The following CLPTM1 variants were observed in gnomAD, a reference collection of about 807,000 sequenced individuals.
CLPTM1 encodes the protein putative lipid scramblase CLPTM1.
Under a neutral mutation model 77.3 loss-of-function variants are expected in CLPTM1, and 21 were observed. The ratio of observed to expected loss-of-function variants is 0.27; its 90% CI spans 0.19 to 0.39. The LOEUF is 0.39. Among genes scored for constraint, CLPTM1 ranks in the 10% least tolerant of loss-of-function variants. The pLI, the probability that CLPTM1 is intolerant of heterozygous loss-of-function variation, is 1.00. For synonymous variants in CLPTM1, 373 were observed against 381.0 expected (o/e 0.98, Z 0.24); for missense variants, 642 against 921.2 (o/e 0.70, Z 3.92).
At chr19:44,984,268 AC>A (rs2122316351) in intron 5 of CLPTM1, 1 of 152,386 alleles carries the variant, frequency 6.6e-6, no homozygotes, top group South Asian at 2.1e-4. Flanking sequence ...GTGTATTCAA[AC>A]AGGCCCTGCC....
At chr19:44,955,923 G>A (rs1170308037) in intron 1 of CLPTM1, 1 of 158,882 alleles carries the variant, frequency 6.3e-6, no homozygotes, top group Non-Finnish European at 1.4e-5. Context: ...CCATTTTACA[G>A]ACGGGAATTC....
At chr19:44,979,948 A>G (rs1163835107) in intron 5 of CLPTM1, among the ~76,000 whole-genome samples, 2 of 152,162 alleles carry the variant, frequency 1.3e-5, no homozygotes, top group Non-Finnish European at 2.9e-5. Context: ...ACGATCACCT[A>G]ATCATCCCGT....
upstream of CLPTM1, chr19:44,955,062 C>A (rs997151100): frequency 6.5e-7 from 1 of 1,535,446 alleles, no homozygotes; most frequent in Non-Finnish European, 8.7e-7. Flanking sequence ...CAGGATGTCC[C>A]GAAAGGCTCA....
rs1216953931 is a variant in CLPTM1 at position 44,985,237 on chromosome 19, C to T, written c.606C>T (p.Arg202=). 6.2e-7 allele frequency: 1 copy of T among 1,613,930 alleles called. No individual in the cohort carries two copies. The change falls in exon 6 of 14, where the codon CGC becomes CGT. Residue 202 remains arginine, a synonymous_variant. Coordinates refer to ENST00000337392, the MANE Select transcript of CLPTM1 (RefSeq NM_001294.4). ...HMSRMINKYK[R]RRFQKTKNLL... ...CCACAGTGATCAACAAATACAAGCG[C>T]AGACGATTTCAGAAAACCAAGAACC...
Position 44,968,023 on chromosome 19 carries a change from C to G in CLPTM1, c.186-5064C>G, listed in dbSNP as rs192103476. Among the ~76,000 whole-genome samples the G allele has an allele frequency of 2.2e-3, 329 of 152,256 alleles. 2 individuals carry two copies. The highest frequency in any genetic ancestry group is 7.7e-3 in the African/African-American group (322 of 41,552). On this transcript the variant is annotated intron_variant, in intron 2 of 13. Coordinates refer to ENST00000337392, the MANE Select transcript of CLPTM1 (RefSeq NM_001294.4). ...CCCTTCATTTTTACATAAGAGGTAG[C>G]CTGTTTTACACACTGTTCTGCTCCT...
In CLPTM1 at chr19:44,962,005, A is replaced by T; in HGVS notation, c.115A>T (p.Thr39Ser). ...CATCGGGAGGGACCCGCCAGCGGAG[A>T]CCCAGCCTCAGAACCCACCGGCCCA... ...GSIGRDPPAE[T>S]QPQNPPAQPA... Residue 39 changes from threonine to serine, a missense_variant, in exon 2 of 14, where the codon ACC (threonine) becomes TCC (serine). Transcript: ENST00000337392. 1 of 1,610,456 alleles carries T rather than the reference A, an allele frequency of 6.2e-7. No individual in the cohort carries two copies. Among genetic ancestry groups the T allele is most frequent in the Non-Finnish European group, 8.5e-7 (1 of 1,178,940 alleles).
intron 2 of CLPTM1, among the ~76,000 whole-genome samples, chr19:44,965,872 A>T (rs145639166): frequency 6.6e-6 from 1 of 152,234 alleles, no homozygotes; most frequent in East Asian, 1.9e-4. Context: ...ATGTCTTCAC[A>T]TGGCCATGGC....
intron 2 of CLPTM1, among the ~76,000 whole-genome samples, chr19:44,964,166 C>A (rs1970589289): frequency 6.6e-6 from 1 of 151,934 alleles, no homozygotes; most frequent in Non-Finnish European, 1.5e-5. Flanking sequence ...GTTGGGGGGA[C>A]CCTGTCTCTA....
chr19:44,988,222 C>G (rs779962897), intron 9 of CLPTM1, 49 bp downstream of exon 9: 12 of 1,338,488 alleles, frequency 9.0e-6, no homozygotes, highest in Non-Finnish European at 1.3e-5. Flanking sequence ...GGGTGGGGGA[C>G]AGGACCTGCC....
upstream of CLPTM1, chr19:44,954,667 C>T: frequency 8.8e-7 from 1 of 1,130,148 alleles, no homozygotes; most frequent in South Asian, 2.4e-5. Context: ...TTGTGGAATT[C>T]TCAGAGCCCG....
rs3745156 is a variant in CLPTM1, at chr19:44,985,951, G to A, written c.673-504G>A. Among the ~76,000 whole-genome samples, 20 of 152,296 alleles carry A rather than the reference G, an allele frequency of 1.3e-4. No individual in the cohort carries two copies. The East Asian group carries it at 3.9e-3, about 29-fold the overall frequency. The stretch of plus-strand genomic sequence containing the variant: ...CTCTACCTCGGTTTTCTACATGTGG[G>A]GTGGGAGGATCCTGTCGGTGGCCGG... On this transcript the variant is annotated intron_variant, in intron 6 of 13. Coordinates refer to ENST00000337392, the MANE Select transcript of CLPTM1 (RefSeq NM_001294.4).
intron 6 of CLPTM1, among the ~76,000 whole-genome samples, chr19:44,985,820 G>C (rs527633243): frequency 6.6e-6 from 1 of 152,242 alleles, no homozygotes; most frequent in Non-Finnish European, 1.5e-5. Context: ...TGTTGGGGGG[G>C]TGGTCCCTGC....
intron 2 of CLPTM1, among the ~76,000 whole-genome samples, chr19:44,964,298 C>CTTTTTTTT (rs35539206): frequency 0.017 from 1,175 of 68,182 alleles, 195 homozygotes; most frequent in Admixed American, 0.028. Context: ...TCATTTTAAC[C>CTTTTTTTT]TTTTTTTTTT....
At chr19:44,979,842 C>T (rs1032215742) in intron 5 of CLPTM1, among the ~76,000 whole-genome samples, 5 of 152,108 alleles carry the variant, frequency 3.3e-5, no homozygotes, top group African/African-American at 4.8e-5. Context: ...CAGGGGGATA[C>T]GTCAGGGGTC....
At position 44,973,124 on chromosome 19, in the gene CLPTM1, C is replaced by G. The variant is rs772409757; in HGVS notation, c.223C>G (p.Arg75Gly). The part of the protein sequence containing the change: ...IIWAISSWFR[R>G]GPAPQDQAGP... ...CTGGGCCATCAGCAGTTGGTTCCGC[C>G]GAGGGCCGGCCCCTCAGGACCAGGC... Residue 75 changes from arginine to glycine, a missense_variant, in exon 3 of 14, where the codon CGA becomes GGA. By Grantham distance (125) the Arg-to-Gly change is moderately radical (BLOSUM62 -2). Around this residue, in one of 2 missense-constraint regions of CLPTM1, gnomAD observed 121 missense variants for 120.8 expected, o/e 1.00. Coordinates refer to ENST00000337392, the MANE Select transcript of CLPTM1 (RefSeq NM_001294.4). 1 of 1,613,990 alleles carries G rather than the reference C, an allele frequency of 6.2e-7. No individual in the cohort carries two copies. The highest frequency in any genetic ancestry group is 8.5e-7 in the Non-Finnish European group (1 of 1,179,902).
chr19:44,983,052 C>T (rs1970922880), intron 5 of CLPTM1, among the ~76,000 whole-genome samples: 1 of 147,040 alleles, frequency 6.8e-6, no homozygotes. Context: ...CAGAGTGAGA[C>T]TCCATCTCAA....
Position 44,971,019 on chromosome 19 carries a change from T to C in CLPTM1, c.186-2068T>C, listed in dbSNP as rs568251296. On this transcript the variant is annotated intron_variant, in intron 2 of 13. Coordinates refer to ENST00000337392, the MANE Select transcript of CLPTM1 (RefSeq NM_001294.4). ...CTAATTTTTGTATTTTTAGTAGAGA[T>C]GGGGTTTCACCATGTTGGCCAGGCT... Among the ~76,000 whole-genome samples, 676 of 150,290 alleles carry C rather than the reference T, an allele frequency of 4.5e-3. 9 individuals carry two copies. The highest frequency in any genetic ancestry group is 0.016 in the African/African-American group (640 of 40,222).
chr19:44,956,714 G>A (rs917876736), intron 1 of CLPTM1, among the ~76,000 whole-genome samples: 1 of 152,136 alleles, frequency 6.6e-6, no homozygotes, highest in Non-Finnish European at 1.5e-5. Context: ...TTGGGTTGAT[G>A]GTGGCTTGAG....
chr19:44,972,919 A>G, intron 2 of CLPTM1, among the ~76,000 whole-genome samples, 168 bp from the exon 3 acceptor site: 1 of 151,976 alleles, frequency 6.6e-6, no homozygotes, highest in East Asian at 1.9e-4. Flanking sequence ...GTCTTTAGGG[A>G]CATCTTATCT....
Sources: allele counts gnomAD v4.1 joint callset (sites outside exome capture counted in the v4.1 genomes callset), GRCh38; gene constraint gnomAD v4.1.1; regional missense constraint gnomAD v4.1.1; transcripts MANE v1.5; gene names NCBI Gene and HGNC (gene_info 2026-07-23, HGNC 2026-07-21).